Variants in ENOX2 observed in about 807,000 individuals in gnomAD.
The protein encoded by ENOX2 is APK1 antigen.
In ENOX2, 36 loss-of-function variants were observed where a neutral mutation model predicts 45.0. The observed-to-expected ratio is 0.80, with a 90% CI of 0.61 to 1.06. The LOEUF is 1.06. ENOX2 is among the 50% of genes least tolerant of loss of function. The pLI is 0.00. For missense variants in ENOX2, 423 were observed against 462.5 expected, an observed-to-expected ratio of 0.91 and a Z score of 0.78; for synonymous variants, 174 against 152.3, an observed-to-expected ratio of 1.14 and a Z score of -1.05.
At chrX:130,894,294 T>C (rs1050730035) in intron 2 of ENOX2, among the ~76,000 whole-genome samples, 3 of 109,378 alleles carry the variant, frequency 2.7e-5, no homozygotes, top group Non-Finnish European at 5.7e-5. Context: ...CCATGGCACA[T>C]GTATACCTAT....
chrX:130,736,720 A>T (rs752219566), intron 3 of ENOX2, among the ~76,000 whole-genome samples: 16 of 112,045 alleles, frequency 1.4e-4, no homozygotes, highest in Non-Finnish European at 2.8e-4. Context: ...AAGGAGGCCG[A>T]AGTCTCAGAA....
chrX:130,757,738 C>CT (rs375819441), intron 3 of ENOX2, among the ~76,000 whole-genome samples: 48 of 104,451 alleles, frequency 4.6e-4, no homozygotes, highest in Middle Eastern at 4.9e-3. Flanking sequence ...ACTACGCATT[C>CT]TTTTTTTTTT....
At chrX:130,645,660 CA>C (rs1300202489) in intron 10 of ENOX2, 1 of 460,004 alleles carries the variant, frequency 2.2e-6, no homozygotes, top group Non-Finnish European at 3.6e-6. Context: ...GGCTGCCCAG[CA>C]CCTAAGGGCT....
intron 3 of ENOX2, among the ~76,000 whole-genome samples, chrX:130,743,554 C>G (rs2039032238): frequency 9.1e-6 from 1 of 109,427 alleles, no homozygotes; most frequent in Non-Finnish European, 1.9e-5. Context: ...TCATTGCAAT[C>G]TCTGCATCCT....
chrX:130,670,270 G>A (rs2036950905), intron 6 of ENOX2, 72 bp from the exon 7 acceptor site: 4 of 696,328 alleles, frequency 5.7e-6, no homozygotes, highest in Non-Finnish European at 8.9e-6. Flanking sequence ...GAGAGAGACA[G>A]AGACAGAGAG....
chrX:130,816,783 A>G (rs1569505273), intron 2 of ENOX2, among the ~76,000 whole-genome samples: 1 of 112,074 alleles, frequency 8.9e-6, no homozygotes, highest in Non-Finnish European at 1.9e-5. Flanking sequence ...AGAGAAATTT[A>G]GACACTAAAT....
chrX:130,650,049 G>A (rs912630818), intron 10 of ENOX2, among the ~76,000 whole-genome samples: 14 of 111,938 alleles, frequency 1.3e-4, no homozygotes, highest in Admixed American at 1.0e-3. Flanking sequence ...TTGCATGTTT[G>A]TCCTCTGGCA....
chrX:130,826,672 GAT>G (rs768504365), intron 2 of ENOX2, among the ~76,000 whole-genome samples: 167 of 112,107 alleles, frequency 1.5e-3, no homozygotes, highest in African/African-American at 5.0e-3. Context: ...GTGAACAAGA[GAT>G]AATTCAAACA....
At chrX:130,686,816 CAG>C (rs755398521) in intron 5 of ENOX2, among the ~76,000 whole-genome samples, 2 of 112,359 alleles carry the variant, frequency 1.8e-5, no homozygotes, top group Non-Finnish European at 3.8e-5. Context: ...AAAAAGCAAA[CAG>C]AACACCAGTT....
chrX:130,898,505 CGT>C (rs749676899), intron 2 of ENOX2, among the ~76,000 whole-genome samples: 65 of 108,222 alleles, frequency 6.0e-4, no homozygotes, highest in Middle Eastern at 4.7e-3. Context: ...TGTGTGTGTG[CGT>C]GTGTGTGTGT....
intron 10 of ENOX2, among the ~76,000 whole-genome samples, chrX:130,647,772 T>C (rs1434315410): frequency 9.0e-6 from 1 of 111,433 alleles, no homozygotes; most frequent in Non-Finnish European, 1.9e-5. Context: ...ATTTTTTTTT[T>C]CAGTGGAGCT....
intron 12 of ENOX2, among the ~76,000 whole-genome samples, chrX:130,631,962 C>G (rs1037409395): frequency 9.0e-6 from 1 of 110,568 alleles, no homozygotes; most frequent in Non-Finnish European, 1.9e-5. Context: ...GGTAAATTGG[C>G]TAAGATCACA....
At chrX:130,869,332 T>A (rs1305290783) in intron 2 of ENOX2, among the ~76,000 whole-genome samples, 5 of 111,347 alleles carry the variant, frequency 4.5e-5, no homozygotes. Flanking sequence ...AACGCCAGCT[T>A]AAAATTCCAA....
Position 130,667,754 on chromosome X carries a change from A to G in ENOX2, c.695-12T>C, listed in dbSNP as rs780508226. ...GAATTTGGAATCATCTGAAAAAAAT[A>G]TATTTTTATAACCAACAAAGGTAAC... On this transcript the variant is annotated splice_polypyrimidine_tract_variant and intron_variant, in intron 7 of 14. Transcript: ENST00000394363. 5 of 1,160,881 alleles carry G rather than the reference A, an allele frequency of 4.3e-6. No individual in the cohort carries two copies. In the Admixed American group the frequency reaches 6.7e-5, roughly 16 times the overall value.
chrX:130,854,812 G>C (rs917321941), intron 2 of ENOX2, among the ~76,000 whole-genome samples: 6 of 111,559 alleles, frequency 5.4e-5, no homozygotes, highest in Non-Finnish European at 1.1e-4. Flanking sequence ...GCAGAATAAA[G>C]AAAAATTGCA....
intron 2 of ENOX2, among the ~76,000 whole-genome samples, chrX:130,838,855 G>A (rs1280967856): frequency 8.9e-6 from 1 of 111,799 alleles, no homozygotes; most frequent in African/African-American, 3.3e-5. Flanking sequence ...ATAGGCTAAT[G>A]AGTGATAAAT....
In ENOX2 at chrX:130,764,495, T is replaced by C. The variant is rs746591031; in HGVS notation, c.-39+19052A>G. Reference sequence around the variant, plus strand: ...AAACTTGTTTCCTAAAAAGGTATAGTACAGTTTTTTTTTTTTTTTGATGGT... The same window carrying C: ...AAACTTGTTTCCTAAAAAGGTATAGCACAGTTTTTTTTTTTTTTTGATGGT... On this transcript the variant is annotated intron_variant, in intron 3 of 14. Transcript: ENST00000394363. 1.3e-4 allele frequency among the ~76,000 whole-genome samples: 14 copies of C among 105,854 alleles called. No individual in the cohort carries two copies. The South Asian group carries it at 1.6e-3, about 12-fold the overall frequency. The allele number at this position is 105,854 out of a possible 115,157, so 91.9% of individuals were successfully genotyped here.
chrX:130,667,804 A>C, intron 7 of ENOX2, 62 bp from the exon 8 acceptor site: 2 of 911,840 alleles, frequency 2.2e-6, no homozygotes, highest in Non-Finnish European at 3.1e-6. Context: ...TTTTCCCAAC[A>C]TGCTGGCAAA....
chrX:130,849,521 A>G (rs1168004869), intron 2 of ENOX2, among the ~76,000 whole-genome samples: 4 of 112,350 alleles, frequency 3.6e-5, no homozygotes, highest in Non-Finnish European at 7.5e-5. Context: ...CTAAGTGCCG[A>G]GATATTGAAT....
Sources: allele counts gnomAD v4.1 joint callset (sites outside exome capture counted in the v4.1 genomes callset), GRCh38; gene constraint gnomAD v4.1.1; transcripts MANE v1.5; gene names NCBI Gene and HGNC (gene_info 2026-07-23, HGNC 2026-07-21).